SEMA3E: variants seen among roughly 807,000 people sequenced by gnomAD.
The protein encoded by SEMA3E is semaphorin 3E, also known as semaphorin-3E.
A neutral mutation model predicts 93.6 loss-of-function variants in SEMA3E; 49 were observed. The ratio of observed to expected loss-of-function variants is 0.52; its 90% CI spans 0.42 to 0.66. The LOEUF (loss-of-function observed/expected upper bound fraction) is 0.66, where lower values mean the gene tolerates loss of function less well. SEMA3E is among the 30% of genes least tolerant of loss of function. The pLI is 0.00. For missense variants in SEMA3E, 906 were observed against 964.8 expected (o/e 0.94, Z 0.81); for synonymous variants, 363 against 330.7 (o/e 1.10, Z -1.06).
intron 10 of SEMA3E, among the ~76,000 whole-genome samples, chr7:83,402,049 T>C (rs190815440): frequency 4.0e-4 from 61 of 152,154 alleles, no homozygotes; most frequent in Admixed American, 2.3e-3. Flanking sequence ...GGTAGAACCT[T>C]TGTACTCTAG....
chr7:83,634,263 C>T lies in SEMA3E; in HGVS notation c.115+14165G>A, dbSNP rs940673796. Among the ~76,000 whole-genome samples the T allele has an allele frequency of 5.3e-5, 8 of 152,088 alleles. No homozygotes were observed. The East Asian group carries it at 1.2e-3, about 22-fold the overall frequency. On this transcript the variant is annotated intron_variant, in intron 1 of 16. Transcript: ENST00000643230. ...GACCAGTACTATAGAAGGCATCTAA[C>T]GTGTTTCTGAGTGATAACTGCTTTA... is the stretch of plus-strand genomic sequence containing the variant.
At chr7:83,572,836 T>G (rs1045497934) in intron 1 of SEMA3E, among the ~76,000 whole-genome samples, 5 of 152,038 alleles carry the variant, frequency 3.3e-5, no homozygotes, top group Non-Finnish European at 7.4e-5. Flanking sequence ...AGAATAAAAC[T>G]GGACATCTAT....
At chr7:83,511,888 T>C (rs1167274466) in intron 1 of SEMA3E, among the ~76,000 whole-genome samples, 1 of 152,064 alleles carries the variant, frequency 6.6e-6, no homozygotes, top group African/African-American at 2.4e-5. Flanking sequence ...AAAGTGAAAC[T>C]GCGTCTCAAA....
In SEMA3E at chr7:83,408,760, A is replaced by G. The variant is rs1209778345; in HGVS notation, c.551-273T>C. On this transcript the variant is annotated intron_variant, in intron 5 of 16. Transcript: ENST00000643230. Reference sequence around the variant, plus strand: ...GTAATTGCATTCAGTAAGATAGTTAAGAGCAAAGCACTTGGAAGATCAGCT... The same window carrying G: ...GTAATTGCATTCAGTAAGATAGTTAGGAGCAAAGCACTTGGAAGATCAGCT... Among the ~76,000 whole-genome samples the G allele has an allele frequency of 2.0e-5, 3 of 152,276 alleles. No individual in the cohort carries two copies. In the East Asian group the frequency reaches 5.8e-4, roughly 29 times the overall value.
At chr7:83,406,947 T>C (rs1376528969) in intron 7 of SEMA3E, 150 bp downstream of exon 7, 4 of 893,098 alleles carry the variant, frequency 4.5e-6, no homozygotes, top group Non-Finnish European at 5.2e-6. Context: ...TCACTAGATA[T>C]GAAATGTAGA....
chr7:83,521,085 ATTTT>A (rs34057743), intron 1 of SEMA3E, among the ~76,000 whole-genome samples: 1 of 144,922 alleles, frequency 6.9e-6, no homozygotes, highest in Non-Finnish European at 1.5e-5. Flanking sequence ...AACTTTTAAG[ATTTT>A]TTTTTTTTTT....
chr7:83,438,747 T>C (rs1028216776), intron 4 of SEMA3E, among the ~76,000 whole-genome samples: 2 of 151,990 alleles, frequency 1.3e-5, no homozygotes, highest in Non-Finnish European at 2.9e-5. Context: ...TTATATATAA[T>C]AAAAGTAGGC....
At chr7:83,393,577 G>A (rs1788062436) in intron 13 of SEMA3E, among the ~76,000 whole-genome samples, 1 of 152,090 alleles carries the variant, frequency 6.6e-6, no homozygotes, top group Non-Finnish European at 1.5e-5. Context: ...GATTTGGAAA[G>A]CAAATAGTCT....
intron 14 of SEMA3E, among the ~76,000 whole-genome samples, chr7:83,388,166 G>A (rs879414412): frequency 1.4e-4 from 21 of 147,948 alleles, no homozygotes; most frequent in East Asian, 4.0e-4. Flanking sequence ...AAAATTAGTC[G>A]GGCGTGGTGG....
At chr7:83,504,699 C>T (rs1346746832) in intron 1 of SEMA3E, among the ~76,000 whole-genome samples, 1 of 152,086 alleles carries the variant, frequency 6.6e-6, no homozygotes, top group Non-Finnish European at 1.5e-5. Context: ...TATTGATTTA[C>T]TATCCAGAAA....
chr7:83,396,405 A>C (rs1788122922), intron 12 of SEMA3E, among the ~76,000 whole-genome samples: 1 of 152,076 alleles, frequency 6.6e-6, no homozygotes, highest in Non-Finnish European at 1.5e-5. Flanking sequence ...CTTTATAGTC[A>C]CAGTTTATTC....
intron 4 of SEMA3E, among the ~76,000 whole-genome samples, chr7:83,435,999 A>T (rs1788996374): frequency 6.6e-6 from 1 of 152,186 alleles, no homozygotes; most frequent in Non-Finnish European, 1.5e-5. Context: ...TATAGATTAC[A>T]TTGATGTTAA....
At chr7:83,493,694 A>T (rs1790430717) in intron 1 of SEMA3E, among the ~76,000 whole-genome samples, 1 of 151,972 alleles carries the variant, frequency 6.6e-6, no homozygotes, top group Non-Finnish European at 1.5e-5. Flanking sequence ...TTCCTAAGAC[A>T]TTAAGACTTG....
At chr7:83,548,802 G>A (rs185166043) in intron 1 of SEMA3E, among the ~76,000 whole-genome samples, 2 of 152,158 alleles carry the variant, frequency 1.3e-5, no homozygotes, top group East Asian at 3.9e-4. Context: ...CTGAAGCAAG[G>A]AAAATAAGAG....
intron 1 of SEMA3E, among the ~76,000 whole-genome samples, chr7:83,556,346 G>T (rs1310197360): frequency 6.6e-6 from 1 of 152,074 alleles, no homozygotes; most frequent in Non-Finnish European, 1.5e-5. Context: ...AACACTAAAT[G>T]CCTACTGCTA....
chr7:83,631,469 C>T (rs1033198249), intron 1 of SEMA3E, among the ~76,000 whole-genome samples: 59 of 152,104 alleles, frequency 3.9e-4, no homozygotes, highest in Non-Finnish European at 6.5e-4. Context: ...AAAAACAAAA[C>T]GACTTTATAA....
chr7:83,367,326 A>T lies in SEMA3E; in HGVS notation c.*260T>A. 1 of 397,396 alleles carries T rather than the reference A, an allele frequency of 2.5e-6. No individual in the cohort carries two copies. The highest frequency in any genetic ancestry group is 4.5e-6 in the Non-Finnish European group (1 of 221,488). 24.6% of individuals were successfully genotyped at this position (397,396 alleles called of 1,614,324 possible). On this transcript the variant is annotated 3_prime_UTR_variant, in exon 17 of 17. Transcript: ENST00000643230. ...TCACAGAAAAGCAGCCAAGTACTGA[A>T]AATAACAGCTACAGTTGTTTTTTGA...
chr7:83,392,784 C>T (rs1788044196), intron 13 of SEMA3E, 63 bp from the exon 14 acceptor site: 2 of 1,433,486 alleles, frequency 1.4e-6, no homozygotes, highest in Admixed American at 1.7e-5. Context: ...GCTATTACAC[C>T]TAGTTTTCAC....
At chr7:83,487,996 A>G (rs932739839) in intron 2 of SEMA3E, among the ~76,000 whole-genome samples, 3 of 152,088 alleles carry the variant, frequency 2.0e-5, no homozygotes, top group African/African-American at 7.2e-5. Flanking sequence ...AAGTGTTGGC[A>G]CTTTGCACGC....
Sources: gnomAD v4.1 joint callset for allele counts (sites outside exome capture counted in the v4.1 genomes callset) on GRCh38, gnomAD v4.1.1 for gene constraint, MANE v1.5 for transcripts, NCBI Gene and HGNC (gene_info 2026-07-23, HGNC 2026-07-21) for gene names.